Variants in CYP2C18 observed in about 807,000 individuals in gnomAD.
CYP2C18 encodes cytochrome P450 family 2 subfamily C member 18.
CYP2C18 carries 38 observed loss-of-function variants against 41.3 expected under a neutral mutation model. The observed-to-expected ratio is 0.92, with a 90% confidence interval of 0.71 to 1.21. The LOEUF is 1.21. Among genes scored for constraint, CYP2C18 ranks in the 50% most tolerant of loss-of-function variants. The probability of loss-of-function intolerance (pLI) is 0.00; values close to 1 mark genes in which losing one functional copy is unlikely to be tolerated. For synonymous variants in CYP2C18, 236 were observed against 210.0 expected (o/e 1.12, Z -1.07); for missense variants, 635 against 591.4 (o/e 1.07, Z -0.77).
Position 94,688,324 on chromosome 10 carries a change from A to G in CYP2C18, c.481+50A>G, listed in dbSNP as rs775133216. The G allele has an allele frequency of 5.2e-6, 8 of 1,547,594 alleles. No homozygotes were observed. The South Asian group carries it at 9.9e-5, about 19-fold the overall frequency. On this transcript the variant is annotated intron_variant, in intron 3 of 8. Transcript: ENST00000285979. ...AAAATGTTTTCTAAAATTTATTTTA[A>G]TTTATTTTTAGATTGATACATAACT...
Position 94,694,920 on chromosome 10 carries a change from C to T in CYP2C18, c.485C>T (p.Ser162Leu). Reference sequence around the variant, plus strand: ...TAAAATATTTCCAATCCTTTAGCCTCACCCTGTGATCCCACTTTCATCCTG... The same window carrying T: ...TAAAATATTTCCAATCCTTTAGCCTTACCCTGTGATCCCACTTTCATCCTG... Reference protein sequence around the residue: ...LVEELRKTNASPCDPTFILGC... With the variant: ...LVEELRKTNALPCDPTFILGC... The change falls in exon 4 of 9, where the codon TCA becomes TTA. Residue 162 changes from serine (S) to leucine (L), a missense_variant. Physicochemically the swap from Ser to Leu is moderately radical, Grantham distance 145. Transcript: ENST00000285979. The T allele has an allele frequency of 1.9e-6, 3 of 1,611,724 alleles. No homozygotes were observed. The highest frequency in any genetic ancestry group is 2.5e-6 in the Non-Finnish European group (3 of 1,179,488).
intron 5 of CYP2C18, among the ~76,000 whole-genome samples, chr10:94,709,718 G>T (rs1208774990): frequency 1.3e-5 from 2 of 152,056 alleles, no homozygotes; most frequent in African/African-American, 4.8e-5. Context: ...TCTTCAAATG[G>T]TTTTATAATT....
intron 3 of CYP2C18, among the ~76,000 whole-genome samples, chr10:94,693,496 A>G (rs1376332509): frequency 6.6e-6 from 1 of 152,126 alleles, no homozygotes; most frequent in East Asian, 1.9e-4. Context: ...AGAACAGCCT[A>G]ATATACTTCC....
At chr10:94,718,486 G>C (rs1847593969) in intron 5 of CYP2C18, among the ~76,000 whole-genome samples, 1 of 152,060 alleles carries the variant, frequency 6.6e-6, no homozygotes, top group South Asian at 2.1e-4. Context: ...ATGTTGAATT[G>C]AAGTACTGAG....
At chr10:94,719,576 A>AT (rs1488794826) in intron 5 of CYP2C18, among the ~76,000 whole-genome samples, 4 of 149,994 alleles carry the variant, frequency 2.7e-5, no homozygotes, top group South Asian at 2.1e-4. Flanking sequence ...TAATTTTTTG[A>AT]TTTTTATTTT....
At chr10:94,690,422 T>C (rs1301533287) in intron 3 of CYP2C18, among the ~76,000 whole-genome samples, 1 of 152,150 alleles carries the variant, frequency 6.6e-6, no homozygotes, top group Non-Finnish European at 1.5e-5. Context: ...GCAAATAAAC[T>C]AGGAAATCTA....
chr10:94,684,423 T>A (rs1379656960), intron 1 of CYP2C18, among the ~76,000 whole-genome samples: 2 of 152,184 alleles, frequency 1.3e-5, no homozygotes, highest in East Asian at 1.9e-4. Context: ...CTTTTTAAGA[T>A]TCCACATAGA....
At chr10:94,716,031 C>G (rs1333085334) in intron 5 of CYP2C18, among the ~76,000 whole-genome samples, 1 of 151,986 alleles carries the variant, frequency 6.6e-6, no homozygotes, top group Non-Finnish European at 1.5e-5. Flanking sequence ...GTGGTGATAT[C>G]CCCTTTAACA....
At position 94,720,469 on chromosome 10, in the gene CYP2C18, G is replaced by A. The variant is rs1847627903; in HGVS notation, c.893G>A (p.Gly298Glu). 1 of 1,613,388 alleles carries A rather than the reference G, an allele frequency of 6.2e-7. No individual in the cohort carries two copies. The highest frequency in any genetic ancestry group is 8.5e-7 in the Non-Finnish European group (1 of 1,179,558). The change falls in exon 6 of 9, where the codon GGA becomes GAA. Residue 298 changes from glycine (G) to glutamate (E), a missense_variant. Coordinates refer to ENST00000285979, the MANE Select transcript of CYP2C18 (RefSeq NM_000772.3). ...IATVTDMFGA[G>E]TETTSTTLRY... ...ACTGTAACTGATATGTTTGGGGCTG[G>A]AACAGAGACAACGAGCACCACTCTG...
At chr10:94,728,727 A>T (rs1847783348) in intron 7 of CYP2C18, 1 of 366,150 alleles carries the variant, frequency 2.7e-6, no homozygotes, top group Admixed American at 6.5e-5. Context: ...AACAGATTCC[A>T]AATTCTCCTC....
chr10:94,716,521 TTTGA>T (rs1308567229), intron 5 of CYP2C18, among the ~76,000 whole-genome samples: 1 of 152,216 alleles, frequency 6.6e-6, no homozygotes, highest in Non-Finnish European at 1.5e-5. Context: ...GTAGTTCTAG[TTTGA>T]TTGTACTGTG....
Position 94,712,008 on chromosome 10 carries a change from A to ATTTTTTTTTTTTTT in CYP2C18, c.819+5055_819+5068dup, listed in dbSNP as rs35672164. 1.1e-3 allele frequency among the ~76,000 whole-genome samples: 106 copies of ATTTTTTTTTTTTTT among 97,860 alleles called. 3 individuals carry two copies. The highest frequency in any genetic ancestry group is 1.5e-3 in the Non-Finnish European group (74 of 50,950). The allele number at this position is 97,860 out of a possible 152,430, so 64.2% of individuals were successfully genotyped here. A position where few individuals can be genotyped will look rare whatever the true frequency, so the allele number is the denominator to read the frequency against. On this transcript the variant is annotated intron_variant, in intron 5 of 8. Transcript: ENST00000285979. ...AGGTGCATGCCACCATGCCCAACTA[A>ATTTTTTTTTTTTTT]TTTTTTTTTTTTTTTTTTTTGTAGA... is the stretch of plus-strand genomic sequence containing the variant.
At chr10:94,684,050 GT>G in intron 1 of CYP2C18, 63 bp downstream of exon 1, 1 of 1,199,122 alleles carries the variant, frequency 8.3e-7, no homozygotes. Flanking sequence ...AATTCTTAAA[GT>G]TTTATTTCAT....
chr10:94,703,575 C>T (rs950334727), intron 4 of CYP2C18, among the ~76,000 whole-genome samples: 3 of 152,128 alleles, frequency 2.0e-5, no homozygotes, highest in East Asian at 3.9e-4. Context: ...ATGGTGGACT[C>T]CCCTCCCTCC....
intron 3 of CYP2C18, 99 bp downstream of exon 3, chr10:94,688,373 T>G: frequency 4.5e-6 from 6 of 1,340,412 alleles, no homozygotes; most frequent in Non-Finnish European, 6.1e-6. Context: ...ATGGGGTACA[T>G]GTAATATTTT....
chr10:94,711,401 G>A (rs1847433612), intron 5 of CYP2C18, among the ~76,000 whole-genome samples: 1 of 151,960 alleles, frequency 6.6e-6, no homozygotes, highest in Non-Finnish European at 1.5e-5. Flanking sequence ...GCAATATTGA[G>A]TGTGACTAAA....
chr10:94,708,078 G>A (rs754671279), intron 5 of CYP2C18, among the ~76,000 whole-genome samples: 59 of 152,262 alleles, frequency 3.9e-4, no homozygotes, highest in Middle Eastern at 6.8e-3. Flanking sequence ...TTATTCAACC[G>A]CTTTACAGCA....
At chr10:94,702,753 C>T (rs960050452) in intron 4 of CYP2C18, among the ~76,000 whole-genome samples, 1 of 152,036 alleles carries the variant, frequency 6.6e-6, no homozygotes, top group Non-Finnish European at 1.5e-5. Flanking sequence ...AACTCATTCT[C>T]CATCCAGTTT....
chr10:94,705,930 C>A (rs1304730924), intron 4 of CYP2C18, among the ~76,000 whole-genome samples: 2 of 152,130 alleles, frequency 1.3e-5, no homozygotes, highest in Non-Finnish European at 2.9e-5. Flanking sequence ...TGCCCAAAAG[C>A]ACACACTCAA....
Sources: gnomAD v4.1 joint callset for allele counts (sites outside exome capture counted in the v4.1 genomes callset) on GRCh38, gnomAD v4.1.1 for gene constraint, MANE v1.5 for transcripts, NCBI Gene and HGNC (gene_info 2026-07-23, HGNC 2026-07-21) for gene names.